The following TRPC5 variants were observed in gnomAD, a reference collection of about 807,000 sequenced individuals.
TRPC5 encodes transient receptor potential cation channel subfamily C member 5, also known as short transient receptor potential channel 5.
In TRPC5, 9 loss-of-function variants were observed where a neutral mutation model predicts 56.5. That is an observed-to-expected ratio of 0.16 (90% confidence interval 0.10 to 0.28). TRPC5 has a LOEUF of 0.28. TRPC5 is among the 10% of genes least tolerant of loss of function. TRPC5 has a pLI of 1.00. For synonymous variants in TRPC5, 282 were observed against 278.5 expected (o/e 1.01, Z -0.13); for missense variants, 469 against 748.9 (o/e 0.63, Z 4.36).
chrX:112,005,798 A>C (rs1258981695), intron 1 of TRPC5, among the ~76,000 whole-genome samples: 1 of 111,793 alleles, frequency 8.9e-6, no homozygotes, highest in Non-Finnish European at 1.9e-5. Context: ...TTACTTCAGC[A>C]GCTCAGGATG....
At chrX:112,024,931 A>G (rs1929376402) in intron 1 of TRPC5, among the ~76,000 whole-genome samples, 2 of 112,279 alleles carry the variant, frequency 1.8e-5, no homozygotes, top group Non-Finnish European at 3.8e-5. Flanking sequence ...TGCCTATGCC[A>G]TAGTAAAGCT....
At chrX:112,061,201 T>C (rs1930451451) in intron 1 of TRPC5, among the ~76,000 whole-genome samples, 1 of 112,187 alleles carries the variant, frequency 8.9e-6, no homozygotes, top group Non-Finnish European at 1.9e-5. Context: ...CCAAGATCCA[T>C]TTTGATCAAA....
At chrX:111,956,914 G>T (rs73266326) in intron 1 of TRPC5, among the ~76,000 whole-genome samples, 1 of 111,806 alleles carries the variant, frequency 8.9e-6, no homozygotes, top group Non-Finnish European at 1.9e-5. Context: ...CCTATGTTCA[G>T]CTGAAATCAC....
In TRPC5 at chrX:111,776,603, A is replaced by C. The variant is rs1945880589; in HGVS notation, c.2632T>G (p.Trp878Gly). 5 of 1,212,078 alleles carry C rather than the reference A, an allele frequency of 4.1e-6. No individual in the cohort carries two copies. The East Asian group carries it at 1.5e-4, about 36-fold the overall frequency. ...SDGIVQQHCMWQDIRYSQMEK... is the reference protein window; with the variant it reads ...SDGIVQQHCMGQDIRYSQMEK... ...ATCTGAGAATATCTGATGTCCTGCC[A>C]CATACAGTGCTGCTGAACAATTCCA... is the stretch of plus-strand genomic sequence containing the variant. The change falls in exon 11 of 11, where the codon TGG (tryptophan) becomes GGG (glycine). Residue 878 changes from tryptophan to glycine, a missense_variant. Transcript: ENST00000262839.
chrX:111,939,560 A>G (rs1292979001), intron 2 of TRPC5, among the ~76,000 whole-genome samples: 2 of 111,333 alleles, frequency 1.8e-5, no homozygotes, highest in Non-Finnish European at 3.8e-5. Flanking sequence ...TTTTTATTAT[A>G]GCTTTGTTCT....
chrX:112,017,809 A>C (rs1397228232), intron 1 of TRPC5, among the ~76,000 whole-genome samples: 1 of 111,591 alleles, frequency 9.0e-6, no homozygotes, highest in Non-Finnish European at 1.9e-5. Flanking sequence ...TTCTTCTAGA[A>C]CACCGTTTTA....
At chrX:111,849,501 C>A (rs1435536268) in intron 5 of TRPC5, among the ~76,000 whole-genome samples, 11 of 112,059 alleles carry the variant, frequency 9.8e-5, no homozygotes, top group Non-Finnish European at 5.6e-5. Context: ...AAGGACATGG[C>A]AGAAGGCCAG....
At chrX:111,841,535 C>T (rs897607255) in intron 6 of TRPC5, among the ~76,000 whole-genome samples, 2 of 111,933 alleles carry the variant, frequency 1.8e-5, no homozygotes, top group Admixed American at 9.5e-5. Context: ...AGTTAATTCA[C>T]GAAAAGCTGA....
At chrX:112,054,875 C>A (rs1270486404) in intron 1 of TRPC5, among the ~76,000 whole-genome samples, 1 of 111,286 alleles carries the variant, frequency 9.0e-6, no homozygotes, top group Non-Finnish European at 1.9e-5. Flanking sequence ...TTCCTCCTAA[C>A]TGCTGTAATG....
At chrX:111,967,419 G>C (rs775953758) in intron 1 of TRPC5, among the ~76,000 whole-genome samples, 3,361 of 111,126 alleles carry the variant, frequency 0.03, 128 homozygotes, top group African/African-American at 0.1. Flanking sequence ...GTAATTTATA[G>C]ATTCAATGCC....
chrX:112,051,099 T>C (rs1930200991), intron 1 of TRPC5, among the ~76,000 whole-genome samples: 1 of 112,732 alleles, frequency 8.9e-6, no homozygotes, highest in African/African-American at 3.2e-5. Flanking sequence ...GTTCAGCCAA[T>C]GGGAGTTTTC....
intron 1 of TRPC5, among the ~76,000 whole-genome samples, chrX:112,078,830 G>A (rs893115473): frequency 8.9e-6 from 1 of 111,829 alleles, no homozygotes; most frequent in Non-Finnish European, 1.9e-5. Context: ...TGGCAGTATG[G>A]CTCTGCTGGT....
intron 7 of TRPC5, among the ~76,000 whole-genome samples, chrX:111,785,702 G>A (rs1470116412): frequency 9.0e-6 from 1 of 111,669 alleles, no homozygotes; most frequent in Non-Finnish European, 1.9e-5. Flanking sequence ...AGAATAAACA[G>A]TGTAGAGAAG....
At chrX:111,984,827 T>A (rs1012519720) in intron 1 of TRPC5, among the ~76,000 whole-genome samples, 1 of 112,646 alleles carries the variant, frequency 8.9e-6, no homozygotes, top group Non-Finnish European at 1.9e-5. Flanking sequence ...AGCGAACTGC[T>A]TCTGGTGGGC....
intron 2 of TRPC5, among the ~76,000 whole-genome samples, chrX:111,935,825 CTCTG>C (rs989396084): frequency 9.0e-6 from 1 of 111,470 alleles, no homozygotes; most frequent in Non-Finnish European, 1.9e-5. Context: ...TTCCACTGGT[CTCTG>C]TCTGTTTTTA....
chrX:111,804,660 T>C (rs1027330492), intron 7 of TRPC5, among the ~76,000 whole-genome samples: 4 of 111,752 alleles, frequency 3.6e-5, no homozygotes, highest in Non-Finnish European at 7.5e-5. Flanking sequence ...GTTTGTCTGT[T>C]ATTGGTGTAT....
intron 7 of TRPC5, among the ~76,000 whole-genome samples, chrX:111,786,980 C>A (rs1945971844): frequency 9.0e-6 from 1 of 110,870 alleles, no homozygotes; most frequent in Admixed American, 9.6e-5. Context: ...GACTTTACAC[C>A]CCACTGTCAA....
intron 1 of TRPC5, among the ~76,000 whole-genome samples, chrX:112,014,391 A>G (rs1929067800): frequency 8.9e-6 from 1 of 112,402 alleles, no homozygotes; most frequent in African/African-American, 3.2e-5. Flanking sequence ...TAGGTCATTT[A>G]GTCCAGCCTT....
At chrX:111,918,791 T>C (rs1926045544) in intron 2 of TRPC5, among the ~76,000 whole-genome samples, 1 of 111,232 alleles carries the variant, frequency 9.0e-6, no homozygotes, top group Non-Finnish European at 1.9e-5. Context: ...CTAGTAGATA[T>C]GATGTCCACA....
Sources: gnomAD v4.1 joint callset for allele counts (sites outside exome capture counted in the v4.1 genomes callset) on GRCh38, gnomAD v4.1.1 for gene constraint, MANE v1.5 for transcripts, NCBI Gene and HGNC (gene_info 2026-07-23, HGNC 2026-07-21) for gene names.